RCL1: variants seen among roughly 807,000 people sequenced by gnomAD.
RCL1 encodes the protein RNA terminal phosphate cyclase like 1.
A neutral mutation model predicts 42.4 loss-of-function variants in RCL1; 24 were observed. That is an observed-to-expected ratio of 0.57 (90% CI 0.41 to 0.80). RCL1 has a LOEUF of 0.80. Ranked by LOEUF, RCL1 falls within the 30% of genes least tolerant of loss-of-function variation. The probability of loss-of-function intolerance (pLI) is 0.00; values close to 1 mark genes in which losing one functional copy is unlikely to be tolerated. For missense variants in RCL1, 578 were observed against 467.9 expected, an observed-to-expected ratio of 1.24 and a Z score of -2.17; for synonymous variants, 228 against 177.3, an observed-to-expected ratio of 1.29 and a Z score of -2.27.
intron 5 of RCL1, among the ~76,000 whole-genome samples, chr9:4,834,698 C>G (rs1045698746): frequency 2.7e-5 from 4 of 150,856 alleles, no homozygotes; most frequent in South Asian, 2.1e-4. Flanking sequence ...AGACAGTGGT[C>G]AATTTTGTCT....
intron 8 of RCL1, among the ~76,000 whole-genome samples, chr9:4,856,123 G>C (rs1216718349): frequency 6.6e-6 from 1 of 152,202 alleles, no homozygotes; most frequent in Admixed American, 6.5e-5. Flanking sequence ...TGAGATGGCT[G>C]GCTTTTTCCA....
intron 4 of RCL1, 37 bp downstream of exon 4, chr9:4,833,265 G>C: frequency 6.7e-7 from 1 of 1,500,830 alleles, no homozygotes; most frequent in Non-Finnish European, 9.3e-7. Flanking sequence ...ATGTTCCTGT[G>C]GAAAACATTT....
chr9:4,808,225 C>A (rs1275942231), intron 1 of RCL1, among the ~76,000 whole-genome samples: 1 of 152,112 alleles, frequency 6.6e-6, no homozygotes, highest in Non-Finnish European at 1.5e-5. Flanking sequence ...TAGTTTGATA[C>A]ATTTAGGATT....
At chr9:4,825,250 T>C (rs1327680158) in intron 2 of RCL1, among the ~76,000 whole-genome samples, 3 of 152,196 alleles carry the variant, frequency 2.0e-5, no homozygotes, top group African/African-American at 7.2e-5. Flanking sequence ...ATGATTCTGC[T>C]CCCACTACAT....
At chr9:4,830,429 T>C (rs915081278) in intron 3 of RCL1, among the ~76,000 whole-genome samples, 3 of 151,964 alleles carry the variant, frequency 2.0e-5, no homozygotes, top group African/African-American at 7.3e-5. Flanking sequence ...ACAGAGGTGA[T>C]GGAATGAGCC....
intron 6 of RCL1, among the ~76,000 whole-genome samples, chr9:4,842,301 G>A (rs1817358997): frequency 6.6e-6 from 1 of 152,126 alleles, no homozygotes; most frequent in Non-Finnish European, 1.5e-5. Flanking sequence ...TTTCACAGCT[G>A]TTTCACCTGT....
At chr9:4,840,404 A>T (rs183935381) in intron 5 of RCL1, among the ~76,000 whole-genome samples, 4 of 152,182 alleles carry the variant, frequency 2.6e-5, no homozygotes, top group Non-Finnish European at 4.4e-5. Flanking sequence ...TGCTCAATAC[A>T]TACTTACTTT....
Position 4,827,134 on chromosome 9 carries a change from A to C in RCL1, c.384+101A>C, listed in dbSNP as rs1433091341. 5 of 1,568,568 alleles carry C rather than the reference A, an allele frequency of 3.2e-6. 1 individual carries two copies. The South Asian group carries it at 5.8e-5, about 18-fold the overall frequency. On this transcript the variant is annotated intron_variant, in intron 3 of 8. Coordinates refer to ENST00000381750, the MANE Select transcript of RCL1 (RefSeq NM_005772.5). Reference sequence around the variant, plus strand: ...CCTTATAAGGCACAGTTTTATTACAAATGTATATTGCTTTTGTTATTTACT... The same window carrying C: ...CCTTATAAGGCACAGTTTTATTACACATGTATATTGCTTTTGTTATTTACT...
intron 3 of RCL1, among the ~76,000 whole-genome samples, chr9:4,827,779 TGA>T (rs1554639342): frequency 6.7e-6 from 1 of 149,530 alleles, no homozygotes; most frequent in Admixed American, 6.7e-5. Flanking sequence ...TGTGTGTGTG[TGA>T]GAGAGAGAGA....
chr9:4,834,850 T>C (rs1397408601), intron 5 of RCL1, among the ~76,000 whole-genome samples: 2 of 152,204 alleles, frequency 1.3e-5, no homozygotes, highest in South Asian at 2.1e-4. Context: ...TTTTTGCAGA[T>C]GGGGAAACTG....
chr9:4,811,124 A>C (rs1307770221), intron 1 of RCL1, among the ~76,000 whole-genome samples: 1 of 152,064 alleles, frequency 6.6e-6, no homozygotes, highest in African/African-American at 2.4e-5. Context: ...CAAAAATAAA[A>C]ATAAAAAATT....
intron 1 of RCL1, among the ~76,000 whole-genome samples, chr9:4,801,006 T>G (rs1201450265): frequency 6.6e-6 from 1 of 152,196 alleles, no homozygotes; most frequent in Non-Finnish European, 1.5e-5. Context: ...TCAGTTTCTC[T>G]GCATCCTTTC....
In RCL1 at chr9:4,803,015, CT is replaced by C. The variant is rs763759057; in HGVS notation, c.136+9801del. 4.3e-3 allele frequency among the ~76,000 whole-genome samples: 611 copies of C among 141,682 alleles called. 1 individual carries two copies. The highest frequency in any genetic ancestry group is 7.2e-3 in the African/African-American group (279 of 38,794). The allele number at this position is 141,682 out of a possible 152,430, so 92.9% of individuals were successfully genotyped here. ...TTTTTCTTTTTCTTTTTCCTTTTTC[CT>C]TTTTTTTTTTTTAAGAGTTAGGGTT... On this transcript the variant is annotated intron_variant, in intron 1 of 8. Transcript: ENST00000381750.
intron 1 of RCL1, 93 bp downstream of exon 1, chr9:4,793,320 G>T: frequency 7.3e-7 from 1 of 1,364,882 alleles, no homozygotes; most frequent in South Asian, 1.6e-5. Context: ...TGGTTGGGCG[G>T]CTCGGCGTCC....
chr9:4,854,583 C>T (rs1246502448), intron 8 of RCL1, among the ~76,000 whole-genome samples: 3 of 152,084 alleles, frequency 2.0e-5, no homozygotes, highest in Non-Finnish European at 4.4e-5. Flanking sequence ...CCATGATTGC[C>T]TTCACCCCAA....
intron 8 of RCL1, among the ~76,000 whole-genome samples, chr9:4,850,136 T>G (rs1817678493): frequency 6.6e-6 from 1 of 152,212 alleles, no homozygotes; most frequent in South Asian, 2.1e-4. Context: ...GAAAGAAGCA[T>G]TTCCTATTGA....
At chr9:4,840,296 G>C (rs996667597) in intron 5 of RCL1, among the ~76,000 whole-genome samples, 1 of 152,166 alleles carries the variant, frequency 6.6e-6, no homozygotes, top group Admixed American at 6.5e-5. Flanking sequence ...TTGTCACGTG[G>C]GGTTTGTATC....
In RCL1 at chr9:4,849,093, AT is replaced by A. The variant is rs397770252; in HGVS notation, c.868-341del. Among the ~76,000 whole-genome samples the A allele has an allele frequency of 5.5e-3, 797 of 145,138 alleles. 4 individuals carry two copies. The highest frequency in any genetic ancestry group is 0.018 in the African/African-American group (714 of 39,368). On this transcript the variant is annotated intron_variant, in intron 7 of 8. Transcript: ENST00000381750. The stretch of plus-strand genomic sequence containing the variant: ...TCTACATCTTCTAGAACTGATTAAG[AT>A]TTTTTTTTTTTTGCATATACTCAAT...
At position 4,834,417 on chromosome 9, in the gene RCL1, T is replaced by C. The variant is rs935039662; in HGVS notation, c.584+152T>C. On this transcript the variant is annotated intron_variant, in intron 5 of 8. Transcript: ENST00000381750. Reference sequence around the variant, plus strand: ...TAACAGTGAAATTGTAATTGCTGGCTGAGTTAGGATGTTCTGTTATCTGCC... The same window carrying C: ...TAACAGTGAAATTGTAATTGCTGGCCGAGTTAGGATGTTCTGTTATCTGCC... 1.6e-5 allele frequency: 12 copies of C among 728,670 alleles called. No homozygotes were observed. In the African/African-American group the frequency reaches 2.0e-4, roughly 12 times the overall value. 45.1% of individuals were successfully genotyped at this position (728,670 alleles called of 1,614,324 possible). A position where few individuals can be genotyped will look rare whatever the true frequency, so the allele number is the denominator to read the frequency against.
Sources: allele counts gnomAD v4.1 joint callset (sites outside exome capture counted in the v4.1 genomes callset), GRCh38; gene constraint gnomAD v4.1.1; transcripts MANE v1.5; gene names NCBI Gene and HGNC (gene_info 2026-07-23, HGNC 2026-07-21).